The following FRYL variants were observed in gnomAD, a reference collection of about 807,000 sequenced individuals.
FRYL encodes the protein protein furry homolog-like.
A neutral mutation model predicts 351.2 loss-of-function variants in FRYL; 150 were observed. The ratio of observed to expected loss-of-function variants is 0.43; its 90% CI spans 0.37 to 0.49. The LOEUF is 0.49. Ranked by LOEUF, FRYL falls within the 20% of genes least tolerant of loss-of-function variation. The pLI, the probability that FRYL is intolerant of heterozygous loss-of-function variation, is 0.00. For synonymous variants in FRYL, 1,153 were observed against 1,257.1 expected (o/e 0.92, Z 1.75); for missense variants, 3,036 against 3,619.3 (o/e 0.84, Z 4.13).
rs148421747 is a variant in FRYL, at chr4:48,542,635, C to T, written c.5593-514G>A. On this transcript the variant is annotated intron_variant, in intron 44 of 63. Coordinates refer to ENST00000358350, the MANE Select transcript of FRYL (RefSeq NM_015030.2). ...TTCGCCATGTTGGCCAGGGTGGTCT[C>T]GAACTCTTGATCTCAGGTGATCCAC... Among the ~76,000 whole-genome samples the T allele has an allele frequency of 2.8e-3, 422 of 152,226 alleles. 2 individuals are homozygous for T. The highest frequency in any genetic ancestry group is 9.6e-3 in the African/African-American group (399 of 41,544).
intron 2 of FRYL, among the ~76,000 whole-genome samples, chr4:48,702,993 C>T (rs1251969990): frequency 1.3e-5 from 2 of 151,882 alleles, no homozygotes; most frequent in East Asian, 3.9e-4. Flanking sequence ...GATGGAAGAT[C>T]GGAGATGAGC....
intron 23 of FRYL, among the ~76,000 whole-genome samples, chr4:48,577,889 C>G (rs1447039770): frequency 6.7e-6 from 1 of 148,240 alleles, no homozygotes; most frequent in Non-Finnish European, 1.5e-5. Context: ...AAAAAAAAAA[C>G]AAAAAACAAA....
intron 2 of FRYL, among the ~76,000 whole-genome samples, chr4:48,691,747 C>G (rs1297000775): frequency 6.6e-6 from 1 of 152,140 alleles, no homozygotes; most frequent in African/African-American, 2.4e-5. Context: ...CTAGAGGTAG[C>G]CACTATGAAT....
At chr4:48,640,305 C>T (rs1755073450) in intron 3 of FRYL, among the ~76,000 whole-genome samples, 1 of 152,082 alleles carries the variant, frequency 6.6e-6, no homozygotes, top group South Asian at 2.1e-4. Flanking sequence ...TATATTCAGA[C>T]AATGAAATAT....
At chr4:48,715,711 T>C (rs1393968598) in intron 1 of FRYL, among the ~76,000 whole-genome samples, 3 of 152,278 alleles carry the variant, frequency 2.0e-5, no homozygotes, top group South Asian at 4.2e-4. Context: ...AGGTAATTTA[T>C]ACATTCAATG....
intron 59 of FRYL, among the ~76,000 whole-genome samples, chr4:48,507,703 A>AAGATAGATAGAT (rs10625965): frequency 6.6e-6 from 1 of 151,652 alleles, no homozygotes; most frequent in African/African-American, 2.4e-5. Flanking sequence ...ACAGTTTTCA[A>AAGATAGATAGAT]AGATAGATAG....
At chr4:48,595,038 G>T (rs143277432) in intron 15 of FRYL, among the ~76,000 whole-genome samples, 1 of 152,302 alleles carries the variant, frequency 6.6e-6, no homozygotes, top group East Asian at 1.9e-4. Flanking sequence ...AGAGGAGGAG[G>T]AAGACAGGGA....
chr4:48,525,196 T>TATATATATACAC (rs759279145), intron 53 of FRYL, among the ~76,000 whole-genome samples: 85 of 133,038 alleles, frequency 6.4e-4, no homozygotes, highest in African/African-American at 2.3e-3. Context: ...TATATATATA[T>TATATATATACAC]ACACACACTT....
chr4:48,547,744 C>T lies in FRYL; in HGVS notation c.4914G>A (p.Val1638=), dbSNP rs376432476. 1 of 1,555,420 alleles carries T rather than the reference C, an allele frequency of 6.4e-7. No homozygotes were observed. The highest frequency in any genetic ancestry group is 1.2e-5 in the South Asian group (1 of 80,908). ...FIGFDHCHPE[V]YEHCKRLLLH... ...GAAGCAGGCGTTTACAATGTTCATA[C>T]ACCTCAGGGTGGCAGTGGTCAAACC... is the stretch of plus-strand genomic sequence containing the variant. Residue 1638 remains valine (V), a synonymous_variant, in exon 41 of 64, where the codon GTG becomes GTA. Coordinates refer to ENST00000358350, the MANE Select transcript of FRYL (RefSeq NM_015030.2).
intron 7 of FRYL, 24 bp downstream of exon 7, chr4:48,619,250 C>G (rs1478369841): frequency 1.4e-6 from 2 of 1,447,150 alleles, no homozygotes; most frequent in Non-Finnish European, 1.9e-6. Flanking sequence ...GGAATACAGA[C>G]TTTGCAGAAA....
intron 2 of FRYL, among the ~76,000 whole-genome samples, chr4:48,701,952 G>A (rs1311592676): frequency 6.6e-6 from 1 of 152,066 alleles, no homozygotes; most frequent in Non-Finnish European, 1.5e-5. Flanking sequence ...TATTTGATGT[G>A]CACTGAACTA....
At chr4:48,650,685 C>T (rs1254639897) in intron 3 of FRYL, among the ~76,000 whole-genome samples, 1 of 152,124 alleles carries the variant, frequency 6.6e-6, no homozygotes, top group African/African-American at 2.4e-5. Context: ...TGATGAAAGG[C>T]CTCCTCCTAC....
intron 54 of FRYL, 68 bp downstream of exon 54, chr4:48,522,833 C>T: frequency 8.8e-7 from 1 of 1,136,364 alleles, no homozygotes. Context: ...AAGAAATAAT[C>T]ATTAAGAAGT....
intron 3 of FRYL, chr4:48,638,192 T>G (rs1222116743): frequency 6.6e-6 from 1 of 152,052 alleles, no homozygotes; most frequent in Non-Finnish European, 1.5e-5. Context: ...AACTTACATA[T>G]GTACACAAAT....
chr4:48,732,788 T>G (rs1578863791), intron 1 of FRYL, among the ~76,000 whole-genome samples: 7 of 123,638 alleles, frequency 5.7e-5, no homozygotes, highest in Admixed American at 1.7e-4. Flanking sequence ...GGTGGGGGGC[T>G]AGGGGAGGGA....
intron 23 of FRYL, among the ~76,000 whole-genome samples, chr4:48,578,685 CA>C (rs1048340008): frequency 1.3e-5 from 2 of 152,150 alleles, no homozygotes; most frequent in Non-Finnish European, 2.9e-5. Flanking sequence ...GATTCTTTCC[CA>C]ATTTTTTCCC....
chr4:48,710,695 T>C lies in FRYL; in HGVS notation c.-380A>G, dbSNP rs1009744991. 6 of 397,858 alleles carry C rather than the reference T, an allele frequency of 1.5e-5. No homozygotes were observed. Among genetic ancestry groups the C allele is most frequent in the African/African-American group, 1.2e-4 (6 of 48,618 alleles). 24.6% of individuals were successfully genotyped at this position (397,858 alleles called of 1,614,324 possible). On this transcript the variant is annotated 5_prime_UTR_variant, in exon 2 of 64. Transcript: ENST00000358350. The stretch of plus-strand genomic sequence containing the variant: ...GTGTGAAGCAGAATATGGAATGTTC[T>C]AGGCTGGAAGATTAAAAAATAGGAA...
chr4:48,577,126 C>T, intron 23 of FRYL, among the ~76,000 whole-genome samples: 1 of 152,092 alleles, frequency 6.6e-6, no homozygotes, highest in East Asian at 1.9e-4. Flanking sequence ...CAATACTATA[C>T]ATTTGAATAT....
intron 55 of FRYL, among the ~76,000 whole-genome samples, chr4:48,518,433 G>T (rs921664383): frequency 3.9e-5 from 6 of 152,128 alleles, no homozygotes; most frequent in African/African-American, 1.4e-4. Flanking sequence ...CAACAATGAG[G>T]CTGCAAACCT....
Sources: allele counts gnomAD v4.1 joint callset (sites outside exome capture counted in the v4.1 genomes callset), GRCh38; gene constraint gnomAD v4.1.1; transcripts MANE v1.5; gene names NCBI Gene and HGNC (gene_info 2026-07-23, HGNC 2026-07-21).